The following CDK8 variants were observed in gnomAD, a reference collection of about 807,000 sequenced individuals.
CDK8 encodes cyclin dependent kinase 8.
A neutral mutation model predicts 71.5 loss-of-function variants in CDK8; 29 were observed. The observed-to-expected ratio is 0.41, with a 90% CI of 0.30 to 0.55. CDK8 has a LOEUF of 0.55. CDK8 is among the 20% of genes least tolerant of loss of function. The pLI is 0.37. For missense variants in CDK8, 288 were observed against 572.6 expected (o/e 0.50, Z 5.07); for synonymous variants, 161 against 192.1 (o/e 0.84, Z 1.34).
chr13:26,352,089 G>C (rs182811596), intron 3 of CDK8, among the ~76,000 whole-genome samples: 34 of 150,960 alleles, frequency 2.3e-4, no homozygotes, highest in African/African-American at 7.0e-4. Flanking sequence ...TTGTTCCTTT[G>C]ATTCTTACTG....
chr13:26,351,652 G>T (rs1398415282), intron 3 of CDK8, among the ~76,000 whole-genome samples: 1 of 152,058 alleles, frequency 6.6e-6, no homozygotes, highest in Admixed American at 6.5e-5. Context: ...AAATTTTATT[G>T]TGGGTAATAT....
At chr13:26,399,368 C>A (rs1447848006) in intron 9 of CDK8, among the ~76,000 whole-genome samples, 4 of 152,098 alleles carry the variant, frequency 2.6e-5, no homozygotes, top group Non-Finnish European at 5.9e-5. Context: ...CAGTCTCAGT[C>A]CAGCAGCATG....
At chr13:26,315,579 A>G (rs1874472584) in intron 1 of CDK8, among the ~76,000 whole-genome samples, 2 of 152,206 alleles carry the variant, frequency 1.3e-5, no homozygotes, top group South Asian at 4.1e-4. Flanking sequence ...ATTGTAAATG[A>G]TAGCAATTTG....
chr13:26,339,752 A>ATAT (rs1555231147), intron 2 of CDK8, among the ~76,000 whole-genome samples: 7,304 of 41,812 alleles, frequency 0.17, 232 homozygotes, highest in Non-Finnish European at 0.3. Flanking sequence ...TTACTTAAAA[A>ATAT]AAAAATATAT....
chr13:26,304,806 T>TA (rs200904729), intron 1 of CDK8, among the ~76,000 whole-genome samples: 10 of 151,652 alleles, frequency 6.6e-5, no homozygotes, highest in South Asian at 6.2e-4. Flanking sequence ...CCAGCTAATT[T>TA]AAATTTTTTT....
chr13:26,394,609 T>G (rs895678423), intron 7 of CDK8, among the ~76,000 whole-genome samples: 16 of 152,206 alleles, frequency 1.1e-4, no homozygotes, highest in African/African-American at 3.9e-4. Context: ...TCTTCCTGCT[T>G]CTGAATGTGT....
rs190492926 is a variant in CDK8 at position 26,391,587 on chromosome 13, A to C, written c.647-1780A>C. On this transcript the variant is annotated intron_variant, in intron 6 of 12. Transcript: ENST00000381527. ...ATCCATCATCCCTTTTTGTGATCCT[A>C]CTTAGCTGCCTATGTGGCCATTGAT... Among the ~76,000 whole-genome samples the C allele has an allele frequency of 5.8e-3, 887 of 152,294 alleles. 4 individuals carry two copies. Among genetic ancestry groups the C allele is most frequent in the Non-Finnish European group, 9.6e-3 (650 of 68,014 alleles).
chr13:26,297,453 C>T (rs1036570144), intron 1 of CDK8, among the ~76,000 whole-genome samples: 1 of 152,120 alleles, frequency 6.6e-6, no homozygotes. Flanking sequence ...GATTGAAGCT[C>T]CCTCCTTCCA....
rs550276368 is a variant in CDK8 at position 26,369,081 on chromosome 13, A to C, written c.457-13733A>C. ...ATCATGATTTTATTAGCCTCAGAAG[A>C]CGCTTTTAGTCTCTGGAATAGTTTG... On this transcript the variant is annotated intron_variant, in intron 4 of 12. Coordinates refer to ENST00000381527, the MANE Select transcript of CDK8 (RefSeq NM_001260.3). Among the ~76,000 whole-genome samples the C allele has an allele frequency of 2.0e-5, 3 of 152,120 alleles. No homozygotes were observed. In the South Asian group the frequency reaches 6.2e-4, roughly 32 times the overall value.
chr13:26,266,712 T>C (rs1040620003), intron 1 of CDK8, among the ~76,000 whole-genome samples: 4 of 152,224 alleles, frequency 2.6e-5, no homozygotes, highest in African/African-American at 7.2e-5. Context: ...TTTTTGGTAC[T>C]TTGATGGTTA....
chr13:26,288,826 C>T (rs1430266314), intron 1 of CDK8, among the ~76,000 whole-genome samples: 1 of 152,218 alleles, frequency 6.6e-6, no homozygotes, highest in East Asian at 1.9e-4. Context: ...GTGGCGTGAT[C>T]TCGGCTCACT....
At chr13:26,299,640 GGGTTT>G (rs1565962848) in intron 1 of CDK8, among the ~76,000 whole-genome samples, 6 of 152,134 alleles carry the variant, frequency 3.9e-5, no homozygotes, top group Non-Finnish European at 1.5e-5. Context: ...CTCTAGCATG[GGGTTT>G]CATTCCGGGT....
At chr13:26,333,066 A>G (rs1872825873) in intron 1 of CDK8, among the ~76,000 whole-genome samples, 1 of 152,156 alleles carries the variant, frequency 6.6e-6, no homozygotes, top group Admixed American at 6.6e-5. Flanking sequence ...TCAAGGGAGA[A>G]AAGGTATTCT....
intron 1 of CDK8, among the ~76,000 whole-genome samples, chr13:26,269,498 C>T (rs1178868407): frequency 1.3e-5 from 2 of 151,812 alleles, no homozygotes; most frequent in South Asian, 2.1e-4. Context: ...TTAAGGAAAT[C>T]GATCAAAGTA....
intron 4 of CDK8, among the ~76,000 whole-genome samples, chr13:26,354,931 A>G (rs1873830669): frequency 6.6e-6 from 1 of 152,252 alleles, no homozygotes; most frequent in Non-Finnish European, 1.5e-5. Context: ...GATAGTAACT[A>G]TATAATAAGG....
intron 1 of CDK8, among the ~76,000 whole-genome samples, chr13:26,291,232 C>T (rs1453040284): frequency 1.3e-5 from 2 of 152,034 alleles, no homozygotes; most frequent in African/African-American, 4.8e-5. Flanking sequence ...TGAGCTATAT[C>T]ATATAGCCTA....
intron 4 of CDK8, among the ~76,000 whole-genome samples, chr13:26,362,222 A>ATG (rs1874176421): frequency 2.0e-5 from 3 of 146,656 alleles, no homozygotes; most frequent in Admixed American, 6.8e-5. Context: ...GATAGATGAT[A>ATG]GATGGATGGA....
At chr13:26,347,537 A>T (rs1873510115) in intron 2 of CDK8, among the ~76,000 whole-genome samples, 1 of 152,234 alleles carries the variant, frequency 6.6e-6, no homozygotes, top group South Asian at 2.1e-4. Context: ...CATATATTTG[A>T]TAAGGGATTA....
At chr13:26,375,725 A>G (rs575801400) in intron 4 of CDK8, among the ~76,000 whole-genome samples, 10 of 152,396 alleles carry the variant, frequency 6.6e-5, no homozygotes, top group African/African-American at 2.2e-4. Context: ...TGGAGCATCT[A>G]TGGCTGTAGA....
Sources: allele counts gnomAD v4.1 joint callset (sites outside exome capture counted in the v4.1 genomes callset), GRCh38; gene constraint gnomAD v4.1.1; transcripts MANE v1.5; gene names NCBI Gene and HGNC (gene_info 2026-07-23, HGNC 2026-07-21).